Variants in KLHDC4 observed in about 807,000 individuals in gnomAD.
KLHDC4 encodes kelch domain containing 4.
KLHDC4 carries 90 observed loss-of-function variants against 62.4 expected under a neutral mutation model. That is an observed-to-expected ratio of 1.44 (90% confidence interval 1.22 to 1.72). The LOEUF is 1.72. Ranked by LOEUF, KLHDC4 falls within the 40% of genes most tolerant of loss-of-function variation. The probability of loss-of-function intolerance (pLI) is 0.00; values close to 1 mark genes in which losing one functional copy is unlikely to be tolerated. For missense variants in KLHDC4, 1,025 were observed against 699.7 expected, an observed-to-expected ratio of 1.47 and a Z score of -5.25; for synonymous variants, 386 against 284.4, an observed-to-expected ratio of 1.36 and a Z score of -3.59.
At chr16:87,757,530 G>A (rs547535789) in intron 2 of KLHDC4, 1 of 149,740 alleles carries the variant, frequency 6.7e-6, no homozygotes, top group Non-Finnish European at 1.5e-5. Flanking sequence ...CTTCCATCTA[G>A]AAAATACAAA....
At chr16:87,737,859 G>C (rs1324708120) in intron 5 of KLHDC4, among the ~76,000 whole-genome samples, 1 of 152,058 alleles carries the variant, frequency 6.6e-6, no homozygotes, top group Non-Finnish European at 1.5e-5. Context: ...CCAAAGTGCT[G>C]GGATTACAGG....
At chr16:87,716,250 G>C (rs2036954033) in intron 7 of KLHDC4, among the ~76,000 whole-genome samples, 4 of 151,908 alleles carry the variant, frequency 2.6e-5, no homozygotes, top group South Asian at 4.2e-4. Flanking sequence ...ATGTCTCGTG[G>C]ATACTGACAT....
chr16:87,706,736 C>A (rs75680986), downstream of KLHDC4, among the ~76,000 whole-genome samples: 743 of 152,308 alleles, frequency 4.9e-3, 9 homozygotes, highest in African/African-American at 0.017. Context: ...GAGCTCAGCA[C>A]GTGCCCTGCT....
intron 7 of KLHDC4, among the ~76,000 whole-genome samples, chr16:87,719,702 C>T (rs909414204): frequency 3.3e-5 from 5 of 150,994 alleles, no homozygotes; most frequent in South Asian, 2.1e-4. Context: ...GATTCGGCTA[C>T]GGTAAAGTAG....
rs192011484 is a variant in KLHDC4 at position 87,733,509 on chromosome 16, G to T, written c.507-2865C>A. On this transcript the variant is annotated intron_variant, in intron 5 of 11. Coordinates refer to ENST00000270583, the MANE Select transcript of KLHDC4 (RefSeq NM_017566.4). The stretch of plus-strand genomic sequence containing the variant: ...CCCAGGGAATCTCCTAGAGCCGCAG[G>T]CACCAGGGCAGGGCCTTAAGGAGGG... 5.9e-5 allele frequency among the ~76,000 whole-genome samples: 9 copies of T among 152,310 alleles called. No homozygotes were observed. In the East Asian group the frequency reaches 1.7e-3, roughly 29 times the overall value.
intron 10 of KLHDC4, among the ~76,000 whole-genome samples, chr16:87,708,748 G>A (rs1042541406): frequency 2.0e-5 from 3 of 152,182 alleles, no homozygotes; most frequent in Non-Finnish European, 4.4e-5. Context: ...CCCGGCTCAC[G>A]GTGTTCTCAC....
chr16:87,711,828 G>A (rs185774452), intron 8 of KLHDC4, among the ~76,000 whole-genome samples: 4 of 149,978 alleles, frequency 2.7e-5, no homozygotes, highest in African/African-American at 7.3e-5. Context: ...TCGCCCAGGG[G>A]GCTGAGTGGC....
chr16:87,746,425 G>C (rs541680986), intron 5 of KLHDC4, among the ~76,000 whole-genome samples: 1 of 151,976 alleles, frequency 6.6e-6, no homozygotes, highest in African/African-American at 2.4e-5. Context: ...AAGATTAAGC[G>C]CACACCCTCC....
downstream of KLHDC4, among the ~76,000 whole-genome samples, chr16:87,707,177 A>G (rs2034836242): frequency 1.3e-5 from 2 of 152,192 alleles, no homozygotes; most frequent in Non-Finnish European, 2.9e-5. Context: ...CTTGGACTGG[A>G]GCAGGCCTAG....
At chr16:87,729,029 AG>A (rs2039870932) in intron 6 of KLHDC4, among the ~76,000 whole-genome samples, 1 of 152,122 alleles carries the variant, frequency 6.6e-6, no homozygotes, top group Non-Finnish European at 1.5e-5. Context: ...CACCCACCTC[AG>A]CCTCCCAAAG....
intron 7 of KLHDC4, among the ~76,000 whole-genome samples, chr16:87,716,195 A>T (rs973618344): frequency 2.7e-5 from 4 of 148,784 alleles, no homozygotes; most frequent in Non-Finnish European, 6.0e-5. Flanking sequence ...CTTTGGGTAC[A>T]CGCTATGGTC....
chr16:87,733,323 G>T (rs2040724266), intron 5 of KLHDC4, among the ~76,000 whole-genome samples: 1 of 152,348 alleles, frequency 6.6e-6, no homozygotes, highest in South Asian at 2.1e-4. Flanking sequence ...AACAGACAGG[G>T]GTGGTGAGGA....
At chr16:87,744,073 G>A (rs751830666) in intron 5 of KLHDC4, among the ~76,000 whole-genome samples, 1 of 152,150 alleles carries the variant, frequency 6.6e-6, no homozygotes, top group Non-Finnish European at 1.5e-5. Flanking sequence ...GAGGTCAGGA[G>A]TTCAAGACCA....
intron 9 of KLHDC4, 187 bp from the exon 10 acceptor site, chr16:87,709,854 C>G: frequency 1.5e-6 from 1 of 664,174 alleles, no homozygotes; most frequent in Non-Finnish European, 2.5e-6. Context: ...ACGCTCCTGT[C>G]TCCCACTAGC....
intron 5 of KLHDC4, among the ~76,000 whole-genome samples, chr16:87,744,486 G>A (rs2042730096): frequency 6.6e-6 from 1 of 151,512 alleles, no homozygotes; most frequent in African/African-American, 2.4e-5. Flanking sequence ...GGGACACTGA[G>A]GCACAAGAAT....
intron 1 of KLHDC4, among the ~76,000 whole-genome samples, chr16:87,762,340 ACT>A (rs2046009376): frequency 2.6e-5 from 4 of 152,078 alleles, no homozygotes; most frequent in Admixed American, 2.6e-4. Flanking sequence ...CACTGCAGAC[ACT>A]CTCAGCACCT....
chr16:87,724,123 C>A (rs987121251), intron 7 of KLHDC4, among the ~76,000 whole-genome samples: 8 of 152,190 alleles, frequency 5.3e-5, no homozygotes, highest in Non-Finnish European at 1.2e-4. Flanking sequence ...CAGGCGTGAG[C>A]CACTGTGCTC....
Position 87,708,084 on chromosome 16 carries a change from C to T in KLHDC4, c.*2-9G>A. 1.7e-6 allele frequency: 1 copy of T among 601,056 alleles called. No individual in the cohort carries two copies. The highest frequency in any genetic ancestry group is 3.1e-6 in the Non-Finnish European group (1 of 320,510). The allele number at this position is 601,056 out of a possible 1,614,324, so 37.2% of individuals were successfully genotyped here. ...CCCTGGCAGGGGCTCTTCTGATACG[C>T]AAGGAGGAAGGAATGAGAGAGAAAC... is the stretch of plus-strand genomic sequence containing the variant. On this transcript the variant is annotated splice_polypyrimidine_tract_variant and intron_variant, in intron 11 of 11. Coordinates refer to ENST00000270583, the MANE Select transcript of KLHDC4 (RefSeq NM_017566.4).
chr16:87,703,162 C>G (rs1206474032), downstream of KLHDC4: 2 of 152,206 alleles, frequency 1.3e-5, no homozygotes, highest in Admixed American at 1.3e-4. Context: ...CGTGGAGGCT[C>G]TCCTGGTTTT....
Sources: gnomAD v4.1 joint callset for allele counts (sites outside exome capture counted in the v4.1 genomes callset) on GRCh38, gnomAD v4.1.1 for gene constraint, MANE v1.5 for transcripts, NCBI Gene and HGNC (gene_info 2026-07-23, HGNC 2026-07-21) for gene names.